Variants in CYP2S1 observed in about 807,000 individuals in gnomAD.
CYP2S1 encodes the protein cytochrome P450 2S1.
In CYP2S1, 32 loss-of-function variants were observed where a neutral mutation model predicts 43.5. The observed-to-expected ratio is 0.74, with a 90% CI of 0.56 to 0.99. CYP2S1 has a LOEUF of 0.99. Among genes scored for constraint, CYP2S1 ranks in the 50% least tolerant of loss-of-function variants. The probability of loss-of-function intolerance (pLI) is 0.00; values close to 1 mark genes in which losing one functional copy is unlikely to be tolerated. For synonymous variants in CYP2S1, 283 were observed against 302.9 expected, an observed-to-expected ratio of 0.93 and a Z score of 0.68; for missense variants, 575 against 673.9, an observed-to-expected ratio of 0.85 and a Z score of 1.62.
intron 6 of CYP2S1, among the ~76,000 whole-genome samples, chr19:41,201,752 A>G (rs1034367070): frequency 6.6e-6 from 1 of 151,738 alleles, no homozygotes; most frequent in Non-Finnish European, 1.5e-5. Flanking sequence ...TGGGCCAAGC[A>G]GACAGGCTGA....
chr19:41,193,582 CT>C, intron 1 of CYP2S1, 141 bp downstream of exon 1: 1 of 1,333,266 alleles, frequency 7.5e-7, no homozygotes, highest in Non-Finnish European at 9.6e-7. Context: ...TGCTGCTGTC[CT>C]GGGGTTGGGG....
chr19:41,196,156 C>T (rs1488119023), intron 2 of CYP2S1, among the ~76,000 whole-genome samples: 3 of 151,940 alleles, frequency 2.0e-5, no homozygotes, highest in African/African-American at 4.8e-5. Context: ...GAAGGATGAA[C>T]GAGTTAGTTC....
In CYP2S1 at chr19:41,193,305, C is replaced by T; in HGVS notation, c.41C>T (p.Ala14Val). The T allele has an allele frequency of 6.5e-7, 1 of 1,541,750 alleles. No homozygotes were observed. Among genetic ancestry groups the T allele is most frequent in the Non-Finnish European group, 8.7e-7 (1 of 1,144,486 alleles). ...TGTWALLLAL[A>V]LLLLLTLALS... The stretch of plus-strand genomic sequence containing the variant: ...ACCTGGGCGCTGCTGCTGGCGCTGG[C>T]GCTGCTCCTGCTGCTGACGCTGGCG... The change falls in exon 1 of 9, where the codon GCG becomes GTG. Residue 14 changes from alanine (A) to valine (V), a missense_variant. By Grantham distance (64) the Ala-to-Val change is moderately conservative. Coordinates refer to ENST00000310054, the MANE Select transcript of CYP2S1 (RefSeq NM_030622.8).
intron 2 of CYP2S1, 128 bp downstream of exon 2, chr19:41,194,837 CG>C: frequency 7.5e-7 from 1 of 1,339,478 alleles, no homozygotes; most frequent in Non-Finnish European, 9.8e-7. Flanking sequence ...GCCCATCAGC[CG>C]GGTGCAGTGG....
chr19:41,194,004 A>G (rs919491532), intron 1 of CYP2S1, among the ~76,000 whole-genome samples: 1 of 152,062 alleles, frequency 6.6e-6, no homozygotes, highest in South Asian at 2.1e-4. Context: ...GGGAGGAAGG[A>G]GAGCAAGAAA....
At position 41,197,810 on chromosome 19, in the gene CYP2S1, G is replaced by T; in HGVS notation, c.375G>T (p.Arg125Ser). 2 of 1,614,148 alleles carry T rather than the reference G, an allele frequency of 1.2e-6. No homozygotes were observed. ...GVFFSNGERW[R>S]QLRKFTMLAL... ...TCTTCTCCAACGGGGAGCGGTGGAG[G>T]CAGCTGAGGAAGTTTACCATGCTTG... Residue 125 changes from arginine (R) to serine (S), a missense_variant, in exon 3 of 9, where the codon AGG becomes AGT. Around this residue, in one of 2 missense-constraint regions of CYP2S1, gnomAD observed 353 missense variants for 367.6 expected, o/e 0.96. Coordinates refer to ENST00000310054, the MANE Select transcript of CYP2S1 (RefSeq NM_030622.8).
In CYP2S1 at chr19:41,207,349, A is replaced by G. The variant is rs2033597334; in HGVS notation, c.*861A>G. 1.1e-5 allele frequency: 2 copies of G among 175,812 alleles called. No homozygotes were observed. Among genetic ancestry groups the G allele is most frequent in the Admixed American group, 1.1e-4 (2 of 18,374 alleles). The allele number at this position is 175,812 out of a possible 1,614,324, so 10.9% of individuals were successfully genotyped here. A position where few individuals can be genotyped will look rare whatever the true frequency, so the allele number is the denominator to read the frequency against. On this transcript the variant is annotated 3_prime_UTR_variant, in exon 9 of 9. Coordinates refer to ENST00000310054, the MANE Select transcript of CYP2S1 (RefSeq NM_030622.8). ...AGCGGCCCCTGCTGCCCCTCCACAC[A>G]CACATACACACTCACTGATCTACAG... is the stretch of plus-strand genomic sequence containing the variant.
At position 41,198,743 on chromosome 19, in the gene CYP2S1, T is replaced by G. The variant is rs8192795; in HGVS notation, c.689T>G (p.Leu230Arg). Residue 230 changes from leucine to arginine, a missense_variant, in exon 5 of 9, where the codon CTG (leucine) becomes CGG (arginine). Transcript: ENST00000310054. This position sits in a 1 kb window ranked among gnomAD's most constrained non-coding sequence, Gnocchi z 4.9. ...ATGTTCTCCTGGTTCCTGCGGCCCC[T>G]GCCAGGCCCCCACAAGCAGCTCCTC... ...YEMFSWFLRP[L>R]PGPHKQLLHH... The G allele has an allele frequency of 1.1e-4, 173 of 1,613,980 alleles. No individual in the cohort carries two copies. The East Asian group carries it at 3.2e-3, about 30-fold the overall frequency.
At chr19:41,196,463 A>T (rs1199497808) in intron 2 of CYP2S1, among the ~76,000 whole-genome samples, 2 of 151,874 alleles carry the variant, frequency 1.3e-5, no homozygotes, top group African/African-American at 4.8e-5. Flanking sequence ...ATGAAACTGG[A>T]GGCTAGGAGC....
intron 1 of CYP2S1, among the ~76,000 whole-genome samples, chr19:41,194,299 C>G (rs970185021): frequency 6.6e-6 from 1 of 151,858 alleles, no homozygotes; most frequent in Admixed American, 6.6e-5. Context: ...TAGGGTTCAG[C>G]AGGAAGCAAG....
At chr19:41,202,804 A>AAG (rs1004661407) in intron 6 of CYP2S1, among the ~76,000 whole-genome samples, 2 of 151,612 alleles carry the variant, frequency 1.3e-5, no homozygotes, top group Non-Finnish European at 2.9e-5. Context: ...TCAAAAAAAA[A>AAG]AGAGAGAGAG....
At chr19:41,203,104 C>G (rs546162576) in intron 6 of CYP2S1, among the ~76,000 whole-genome samples, 2 of 151,402 alleles carry the variant, frequency 1.3e-5, no homozygotes, top group Admixed American at 6.6e-5. Flanking sequence ...CCCAGCTACT[C>G]AGGAGGCTGA....
intron 7 of CYP2S1, 131 bp from the exon 8 acceptor site, chr19:41,205,827 C>A: frequency 8.2e-7 from 1 of 1,221,290 alleles, no homozygotes; most frequent in Non-Finnish European, 1.1e-6. Context: ...CCACTCAACA[C>A]TCCACAAATG....
intron 8 of CYP2S1, 37 bp downstream of exon 8, chr19:41,206,136 TG>T (rs777785137): frequency 1.2e-5 from 19 of 1,610,822 alleles, no homozygotes; most frequent in Non-Finnish European, 1.5e-5. Flanking sequence ...AAGCAGGTGC[TG>T]GCGAACTCCA....
Position 41,193,360 on chromosome 19 carries a change from G to GC in CYP2S1, c.102dup (p.Gly35ArgfsTer28). 2 of 1,531,490 alleles carry GC rather than the reference G, an allele frequency of 1.3e-6. No homozygotes were observed. Among genetic ancestry groups the GC allele is most frequent in the South Asian group, 1.2e-5 (1 of 82,604 alleles). 94.9% of individuals were successfully genotyped at this position (1,531,490 alleles called of 1,614,324 possible). A position where few individuals can be genotyped will look rare whatever the true frequency, so the allele number is the denominator to read the frequency against. ...CCGGGACCAGGGCCCGAGGCCACCT[G>GC]CCCCCCGGGCCCACGCCGCTACCAC... is the stretch of plus-strand genomic sequence containing the variant. On this transcript the variant is annotated frameshift_variant, in exon 1 of 9. Coordinates refer to ENST00000310054, the MANE Select transcript of CYP2S1 (RefSeq NM_030622.8). LOFTEE classifies it high-confidence loss of function.
intron 2 of CYP2S1, among the ~76,000 whole-genome samples, chr19:41,195,451 C>T (rs994490957): frequency 2.6e-5 from 4 of 152,082 alleles, no homozygotes; most frequent in Non-Finnish European, 5.9e-5. Context: ...AACAGACTCA[C>T]CACACAGTCC....
At position 41,203,737 on chromosome 19, in the gene CYP2S1, GTCTC is replaced by G. The variant is rs142778350; in HGVS notation, c.1164+116_1164+119del. The stretch of plus-strand genomic sequence containing the variant: ...TCCCTGACTTTTTCTTGATCTTAGT[GTCTC>G]TCTCTCTCTCTCTCTGTCTTTATCT... On this transcript the variant is annotated intron_variant, in intron 7 of 8. Coordinates refer to ENST00000310054, the MANE Select transcript of CYP2S1 (RefSeq NM_030622.8). The G allele has an allele frequency of 1.6e-3, 1,784 of 1,121,854 alleles. 9 individuals are homozygous for G. Among genetic ancestry groups the G allele is most frequent in the African/African-American group, 0.012 (731 of 61,458 alleles). 69.5% of individuals were successfully genotyped at this position (1,121,854 alleles called of 1,614,324 possible).
rs751972228 is a variant in CYP2S1 at position 41,196,190 on chromosome 19, TGA to T, written c.343+1485_343+1486del. Among the ~76,000 whole-genome samples, 10 of 150,654 alleles carry T rather than the reference TGA, an allele frequency of 6.6e-5. 1 individual carries two copies. In the East Asian group the frequency reaches 1.6e-3, roughly 24 times the overall value. ...TCACCAAGGATGGGATGGAAAGGGGTGAGAGTGATGGAGGCAGAGGGAACTGC... is the reference window on the plus strand; with the variant it reads ...TCACCAAGGATGGGATGGAAAGGGGTGAGTGATGGAGGCAGAGGGAACTGC... On this transcript the variant is annotated intron_variant, in intron 2 of 8. Transcript: ENST00000310054.
At chr19:41,201,198 G>A in intron 5 of CYP2S1, 33 bp from the exon 6 acceptor site, 1 of 1,609,926 alleles carries the variant, frequency 6.2e-7, no homozygotes, top group Non-Finnish European at 8.5e-7. Context: ...CAAAGGCTGT[G>A]TTCTCTCAGC....
Sources: gnomAD v4.1 joint callset for allele counts (sites outside exome capture counted in the v4.1 genomes callset) on GRCh38, gnomAD v4.1.1 for gene constraint, gnomAD v4.1.1 regional missense constraint, Gnocchi (gnomAD v3.1) non-coding constraint, MANE v1.5 for transcripts, NCBI Gene and HGNC (gene_info 2026-07-23, HGNC 2026-07-21) for gene names.